Variants in ENAH observed in about 807,000 individuals in gnomAD.
The protein encoded by ENAH is ENAH actin regulator.
In ENAH, 23 loss-of-function variants were observed where a neutral mutation model predicts 78.7. That is an observed-to-expected ratio of 0.29 (90% CI 0.21 to 0.41). The LOEUF is 0.41. ENAH is among the 10% of genes least tolerant of loss of function. The probability of loss-of-function intolerance (pLI) is 1.00; values close to 1 mark genes in which losing one functional copy is unlikely to be tolerated. For synonymous variants in ENAH, 226 were observed against 241.0 expected (o/e 0.94, Z 0.58); for missense variants, 544 against 691.0 (o/e 0.79, Z 2.39).
intron 1 of ENAH, among the ~76,000 whole-genome samples, chr1:225,593,944 C>T (rs2147922289): frequency 6.6e-6 from 1 of 152,296 alleles, no homozygotes; most frequent in South Asian, 2.1e-4. Flanking sequence ...CTACTGGAAC[C>T]TACTGAAGAA....
chr1:225,577,056 G>T (rs1453936919), intron 1 of ENAH, among the ~76,000 whole-genome samples: 2 of 152,144 alleles, frequency 1.3e-5, no homozygotes, highest in African/African-American at 4.8e-5. Flanking sequence ...GATTACTGGA[G>T]CCTTGGGCCA....
At chr1:225,579,487 C>T (rs2096804085) in intron 1 of ENAH, among the ~76,000 whole-genome samples, 1 of 152,020 alleles carries the variant, frequency 6.6e-6, no homozygotes, top group African/African-American at 2.4e-5. Flanking sequence ...ATTAATACTC[C>T]AGGGAAAGTT....
intron 8 of ENAH, 54 bp downstream of exon 8, chr1:225,512,817 T>C: frequency 6.2e-7 from 1 of 1,608,860 alleles, no homozygotes; most frequent in Admixed American, 1.7e-5. Flanking sequence ...GTATTTGGAA[T>C]ACAATTAAAA....
chr1:225,519,151 A>G, intron 5 of ENAH, 47 bp downstream of exon 5: 1 of 1,591,216 alleles, frequency 6.3e-7, no homozygotes, highest in Non-Finnish European at 8.6e-7. Flanking sequence ...AAGAGACATC[A>G]TCCAAGCTCA....
At position 225,488,167 on chromosome 1, in the gene ENAH, A is replaced by C. The variant is rs910493036; in HGVS notation, c.*9608T>G. ...ATAGTCAAGGACAAGGTTTTTATTT[A>C]TTTATTTATTTATTATTTATTTATT... On this transcript the variant is annotated 3_prime_UTR_variant, in exon 14 of 14. Transcript: ENST00000366843. 93 of 150,668 alleles carry C rather than the reference A, an allele frequency of 6.2e-4. No homozygotes were observed. The highest frequency in any genetic ancestry group is 2.1e-3 in the African/African-American group (88 of 41,276). 9.3% of individuals were successfully genotyped at this position (150,668 alleles called of 1,614,324 possible).
chr1:225,551,803 C>A (rs560193672), intron 3 of ENAH, among the ~76,000 whole-genome samples: 1 of 152,072 alleles, frequency 6.6e-6, no homozygotes, highest in Admixed American at 6.5e-5. Context: ...ACAGGCAAGA[C>A]TAATATTTGT....
intron 2 of ENAH, among the ~76,000 whole-genome samples, chr1:225,565,624 T>C (rs1414365005): frequency 1.3e-5 from 2 of 152,192 alleles, no homozygotes; most frequent in African/African-American, 4.8e-5. Flanking sequence ...CTACAAAATT[T>C]TAATTGTCCA....
Position 225,519,430 on chromosome 1 carries a change from C to G in ENAH, c.570G>C (p.Gln190His), listed in dbSNP as rs1400319122. The G allele has an allele frequency of 6.2e-7, 1 of 1,613,400 alleles. No homozygotes were observed. Among genetic ancestry groups the G allele is most frequent in the Non-Finnish European group, 8.5e-7 (1 of 1,179,814 alleles). ...CCCGTTCTTGTCTCTCTCTCTCCAG[C>G]TGTTCTTGTTCCAGTCGCTCCCTCT... ...RLERERLEQEQLERERQERER... is the reference protein window; with the variant it reads ...RLERERLEQEHLERERQERER... Residue 190 changes from glutamine to histidine, a missense_variant, in exon 5 of 14, where the codon CAG becomes CAC. Around this residue, in one of 4 missense-constraint regions of ENAH, gnomAD observed 366 missense variants for 396.1 expected, o/e 0.92. Transcript: ENST00000366843.
intron 2 of ENAH, among the ~76,000 whole-genome samples, chr1:225,563,494 T>C (rs1286761172): frequency 6.6e-6 from 1 of 152,220 alleles, no homozygotes; most frequent in Non-Finnish European, 1.5e-5. Flanking sequence ...TGTTATGTAT[T>C]GATTCAAATT....
chr1:225,579,584 A>G (rs2096804650), intron 1 of ENAH, among the ~76,000 whole-genome samples: 1 of 152,216 alleles, frequency 6.6e-6, no homozygotes, highest in Non-Finnish European at 1.5e-5. Context: ...AACTATAGAT[A>G]CAGATAGAGA....
At chr1:225,498,427 C>T (rs1267016378) in intron 12 of ENAH, 23 bp from the exon 13 acceptor site, 1 of 1,408,404 alleles carries the variant, frequency 7.1e-7, no homozygotes, top group East Asian at 2.3e-5. Context: ...AGAAAAATAC[C>T]AGAAATACAG....
chr1:225,642,258 C>T (rs1661213791), intron 1 of ENAH, among the ~76,000 whole-genome samples: 1 of 150,848 alleles, frequency 6.6e-6, no homozygotes, highest in South Asian at 2.1e-4. Flanking sequence ...TACATTATGA[C>T]CACCAATGAA....
chr1:225,501,965 G>T (rs1305780970), intron 11 of ENAH, among the ~76,000 whole-genome samples: 1 of 152,088 alleles, frequency 6.6e-6, no homozygotes, highest in East Asian at 1.9e-4. Context: ...CACTCCTCCG[G>T]GTTCTGGTTT....
chr1:225,635,931 G>A (rs1314235198), intron 1 of ENAH, among the ~76,000 whole-genome samples: 1 of 152,238 alleles, frequency 6.6e-6, no homozygotes, highest in Non-Finnish European at 1.5e-5. Context: ...CCTGTTTTGA[G>A]TTTCCAGCTT....
rs1407537936 is a variant in ENAH at position 225,560,440 on chromosome 1, G to A, written c.172-5357C>T. ...CGGGAGGCTAAGGTTGCAGTGAGCC[G>A]AGATCATGCCAGTGCACTGCAGCCT... is the stretch of plus-strand genomic sequence containing the variant. On this transcript the variant is annotated intron_variant, in intron 2 of 13. Transcript: ENST00000366843. Among the ~76,000 whole-genome samples, 12 of 151,614 alleles carry A rather than the reference G, an allele frequency of 7.9e-5. No individual in the cohort carries two copies. The East Asian group carries it at 1.4e-3, about 17-fold the overall frequency.
At chr1:225,512,745 A>C in intron 8 of ENAH, 31 bp from the exon 9 acceptor site, 1 of 1,612,192 alleles carries the variant, frequency 6.2e-7, no homozygotes, top group Non-Finnish European at 8.5e-7. Context: ...ATTTTTAAAA[A>C]TATTATCTGA....
At chr1:225,523,944 G>C (rs1283806240) in intron 4 of ENAH, among the ~76,000 whole-genome samples, 1 of 152,154 alleles carries the variant, frequency 6.6e-6, no homozygotes, top group Non-Finnish European at 1.5e-5. Flanking sequence ...CAAAGAAAGA[G>C]TGCCTTAATT....
chr1:225,498,019 A>G (rs2096258867), intron 13 of ENAH, among the ~76,000 whole-genome samples: 2 of 152,162 alleles, frequency 1.3e-5, no homozygotes, highest in Non-Finnish European at 2.9e-5. Context: ...ATACAAAATG[A>G]AAACACTGAT....
intron 10 of ENAH, among the ~76,000 whole-genome samples, chr1:225,511,246 G>A (rs894324743): frequency 2.0e-5 from 3 of 152,112 alleles, no homozygotes; most frequent in Admixed American, 2.0e-4. Context: ...AATAACATGT[G>A]AATATGTAAT....
Sources: gnomAD v4.1 joint callset for allele counts (sites outside exome capture counted in the v4.1 genomes callset) on GRCh38, gnomAD v4.1.1 for gene constraint, gnomAD v4.1.1 regional missense constraint, MANE v1.5 for transcripts, NCBI Gene and HGNC (gene_info 2026-07-23, HGNC 2026-07-21) for gene names.